Variants in RPS6KC1 observed in about 807,000 individuals in gnomAD.
RPS6KC1 encodes inactive ribosomal protein S6 kinase delta-1.
In RPS6KC1, 54 loss-of-function variants were observed where a neutral mutation model predicts 103.8. The observed-to-expected ratio is 0.52, with a 90% CI of 0.42 to 0.65. RPS6KC1 has a LOEUF of 0.65. Among genes scored for constraint, RPS6KC1 ranks in the 30% least tolerant of loss-of-function variants. RPS6KC1 has a pLI of 0.00. For missense variants in RPS6KC1, 1,151 were observed against 1,253.8 expected (o/e 0.92, Z 1.24); for synonymous variants, 439 against 438.7 (o/e 1.00, Z -0.01).
At chr1:213,197,840 G>A (rs575077858) in intron 8 of RPS6KC1, among the ~76,000 whole-genome samples, 6 of 152,120 alleles carry the variant, frequency 3.9e-5, no homozygotes, top group Admixed American at 1.3e-4. Context: ...ATTTATGTGC[G>A]TCCGTATGTG....
In RPS6KC1 at chr1:213,242,200, A is replaced by G. The variant is rs1261991948; in HGVS notation, c.2724A>G (p.Arg908=). ...RFYIPEGCIQ[R]WAAEMVVALD... ...ACATCCCAGAGGGCTGCATTCAAAGATGGGCAGCTGAAATGGTGGTAGCCC... is the reference window on the plus strand; with the variant it reads ...ACATCCCAGAGGGCTGCATTCAAAGGTGGGCAGCTGAAATGGTGGTAGCCC... The change falls in exon 11 of 15, where the codon AGA becomes AGG. Residue 908 remains arginine (R), a synonymous_variant. Transcript: ENST00000366960. 2 of 1,613,852 alleles carry G rather than the reference A, an allele frequency of 1.2e-6. No homozygotes were observed. Among genetic ancestry groups the G allele is most frequent in the Non-Finnish European group, 1.7e-6 (2 of 1,179,900 alleles).
intron 8 of RPS6KC1, among the ~76,000 whole-genome samples, chr1:213,221,821 T>A (rs538889770): frequency 4.2e-4 from 64 of 152,318 alleles, no homozygotes; most frequent in African/African-American, 1.5e-3. Flanking sequence ...GAATCTTGGG[T>A]GTTTGCATAA....
intron 12 of RPS6KC1, 149 bp from the exon 13 acceptor site, chr1:213,261,409 G>C: frequency 1.5e-6 from 1 of 674,458 alleles, no homozygotes; most frequent in Non-Finnish European, 2.5e-6. Context: ...TGACCAAAGG[G>C]ATAAGTAACT....
intron 3 of RPS6KC1, among the ~76,000 whole-genome samples, chr1:213,081,099 G>C (rs975128462): frequency 6.6e-6 from 1 of 152,168 alleles, no homozygotes; most frequent in Admixed American, 6.5e-5. Context: ...CTCCAAGATA[G>C]CCTCCTATGA....
At chr1:213,698,912 T>C in the RPS6KC1 span, among the ~76,000 whole-genome samples, 31 of 152,114 alleles carry the variant, frequency 2.0e-4, 2 homozygotes, top group East Asian at 1.9e-3. Context: ...GATAATTTTT[T>C]TTAATTTTTG....
chr1:213,383,632 G>T, the RPS6KC1 span, among the ~76,000 whole-genome samples: 1 of 152,154 alleles, frequency 6.6e-6, no homozygotes, highest in Non-Finnish European at 1.5e-5. Context: ...TGGAGACCGG[G>T]CCTCTAAGGA....
the RPS6KC1 span, among the ~76,000 whole-genome samples, chr1:213,580,104 ATAAAT>A: frequency 2.0e-5 from 3 of 152,070 alleles, no homozygotes; most frequent in African/African-American, 4.8e-5. Flanking sequence ...TCTGGGCAAA[ATAAAT>A]TAAAAACCTC....
chr1:213,432,875 T>C, the RPS6KC1 span, among the ~76,000 whole-genome samples: 312 of 152,356 alleles, frequency 2.0e-3, 1 homozygote, highest in South Asian at 8.9e-3. Context: ...CTACAATTTG[T>C]TTATTCACCT....
the RPS6KC1 span, among the ~76,000 whole-genome samples, chr1:213,363,702 CCTT>C: frequency 2.3e-3 from 134 of 58,874 alleles, 33 homozygotes; most frequent in African/African-American, 0.018. Flanking sequence ...TTCTTTCTTT[CCTT>C]CTTTCTTTCT....
chr1:213,612,959 T>C, the RPS6KC1 span, among the ~76,000 whole-genome samples: 2 of 152,328 alleles, frequency 1.3e-5, no homozygotes, highest in Middle Eastern at 6.8e-3. Context: ...TGATGAGAAT[T>C]GAGGAAATCA....
At chr1:213,390,459 CT>C in the RPS6KC1 span, among the ~76,000 whole-genome samples, 1 of 152,220 alleles carries the variant, frequency 6.6e-6, no homozygotes, top group South Asian at 2.1e-4. Context: ...GCTATAAAAG[CT>C]GCTAACCATG....
the RPS6KC1 span, among the ~76,000 whole-genome samples, chr1:213,357,841 C>G: frequency 6.6e-6 from 1 of 152,192 alleles, no homozygotes; most frequent in South Asian, 2.1e-4. Context: ...ACCTGGCTGG[C>G]TCTTGTGTGG....
chr1:213,454,857 G>A, the RPS6KC1 span, among the ~76,000 whole-genome samples: 14 of 152,236 alleles, frequency 9.2e-5, no homozygotes, highest in African/African-American at 3.1e-4. Flanking sequence ...AAAAATACAC[G>A]GCAGAGCTAG....
the RPS6KC1 span, among the ~76,000 whole-genome samples, chr1:213,441,720 T>C: frequency 6.6e-6 from 1 of 152,162 alleles, no homozygotes; most frequent in Non-Finnish European, 1.5e-5. Context: ...GAGATGATGG[T>C]CAAAGGGAAC....
At chr1:213,513,265 A>G in the RPS6KC1 span, among the ~76,000 whole-genome samples, 1 of 152,184 alleles carries the variant, frequency 6.6e-6, no homozygotes, top group African/African-American at 2.4e-5. Context: ...GAGCCTCCAG[A>G]AAGGAACTCA....
At chr1:213,827,472 C>A in the RPS6KC1 span, among the ~76,000 whole-genome samples, 1 of 152,158 alleles carries the variant, frequency 6.6e-6, no homozygotes, top group South Asian at 2.1e-4. Context: ...AAATGAAGAG[C>A]ACTGTTGTTG....
At chr1:213,494,001 T>C in the RPS6KC1 span, among the ~76,000 whole-genome samples, 2 of 152,224 alleles carry the variant, frequency 1.3e-5, no homozygotes, top group Admixed American at 1.3e-4. Context: ...AATCTGGGTG[T>C]AGAGGCTGTC....
At chr1:213,374,250 A>G in the RPS6KC1 span, among the ~76,000 whole-genome samples, 1 of 152,250 alleles carries the variant, frequency 6.6e-6, no homozygotes, top group African/African-American at 2.4e-5. Context: ...AATCAAATAA[A>G]TCTGGATCAG....
At chr1:213,622,103 A>T in the RPS6KC1 span, among the ~76,000 whole-genome samples, 1 of 152,144 alleles carries the variant, frequency 6.6e-6, no homozygotes. Flanking sequence ...AAAGAGTTCC[A>T]GACACTGAGG....
Sources: gnomAD v4.1 joint callset for allele counts (sites outside exome capture counted in the v4.1 genomes callset) on GRCh38, gnomAD v4.1.1 for gene constraint, MANE v1.5 for transcripts, NCBI Gene and HGNC (gene_info 2026-07-23, HGNC 2026-07-21) for gene names.